The following MICAL2 variants were observed in gnomAD, a reference collection of about 807,000 sequenced individuals.
The protein encoded by MICAL2 is microtubule associated monooxygenase, calponin and LIM domain containing 2.
A neutral mutation model predicts 127.3 loss-of-function variants in MICAL2; 77 were observed. The observed-to-expected ratio is 0.60, with a 90% CI of 0.50 to 0.73. The LOEUF is 0.73. MICAL2 is among the 30% of genes least tolerant of loss of function. The probability of loss-of-function intolerance (pLI) is 0.00; values close to 1 mark genes in which losing one functional copy is unlikely to be tolerated. For missense variants in MICAL2, 1,351 were observed against 1,434.4 expected (o/e 0.94, Z 0.94); for synonymous variants, 570 against 551.1 (o/e 1.03, Z -0.48).
chr11:12,118,561 C>G (rs1450028539), intron 1 of MICAL2, among the ~76,000 whole-genome samples: 1 of 152,192 alleles, frequency 6.6e-6, no homozygotes. Context: ...TCTACTTTGC[C>G]AGCTCTCTCC....
chr11:12,306,062 TCTTG>T (rs1253818354), intron 29 of MICAL2, among the ~76,000 whole-genome samples: 2 of 152,198 alleles, frequency 1.3e-5, no homozygotes, highest in African/African-American at 4.8e-5. Flanking sequence ...TAGTCATTTT[TCTTG>T]CTTATAATAC....
Position 12,256,940 on chromosome 11 carries a change from C to T in MICAL2, c.3111C>T (p.Arg1037=), listed in dbSNP as rs1391644506. The change falls in exon 24 of 28, where the codon CGC becomes CGT. Residue 1037 remains arginine, a synonymous_variant. Coordinates refer to ENST00000683283, the MANE Select transcript of MICAL2 (RefSeq NM_001282663.2). ...FRCSICATTL[R]LAAYTFDCDE... The stretch of plus-strand genomic sequence containing the variant: ...GCAGCATCTGTGCCACCACCTTGCG[C>T]CTGGCCGCCTACACCTTTGACTGCG... The T allele has an allele frequency of 3.7e-6, 6 of 1,613,826 alleles. No homozygotes were observed. In the African/African-American group the frequency reaches 4.0e-5, roughly 11 times the overall value.
chr11:12,249,390 T>A, intron 22 of MICAL2, 144 bp downstream of exon 22: 1 of 610,340 alleles, frequency 1.6e-6, no homozygotes, highest in Non-Finnish European at 3.0e-6. Flanking sequence ...GGCAGACATG[T>A]GCTTGTACTG....
At chr11:12,242,964 A>G in intron 20 of MICAL2, 192 bp downstream of exon 20, 1 of 486,282 alleles carries the variant, frequency 2.1e-6, no homozygotes, top group Non-Finnish European at 3.6e-6. Flanking sequence ...TTCAAAATAA[A>G]TAAATACATC....
chr11:12,276,254 T>A, intron 1 of MICAL2: 1 of 398,322 alleles, frequency 2.5e-6, no homozygotes. Flanking sequence ...TCTACTTGCT[T>A]GCAGTGTGGC....
intron 1 of MICAL2, among the ~76,000 whole-genome samples, chr11:12,118,838 C>T (rs530278648): frequency 6.6e-6 from 1 of 152,206 alleles, no homozygotes; most frequent in Non-Finnish European, 1.5e-5. Context: ...CCTGGATATG[C>T]ACTCCAAAAT....
chr11:12,196,672 G>T (rs1433584227), intron 3 of MICAL2, among the ~76,000 whole-genome samples: 1 of 152,074 alleles, frequency 6.6e-6, no homozygotes, highest in Non-Finnish European at 1.5e-5. Context: ...CTTTGTTATT[G>T]CTCTGGAACC....
chr11:12,291,546 G>A (rs1863901336), downstream of MICAL2, among the ~76,000 whole-genome samples: 1 of 152,234 alleles, frequency 6.6e-6, no homozygotes, highest in African/African-American at 2.4e-5. Context: ...CTGACCAACA[G>A]GAGCTTGGCA....
chr11:12,257,755 C>T (rs556234407), intron 24 of MICAL2, among the ~76,000 whole-genome samples: 20 of 152,248 alleles, frequency 1.3e-4, no homozygotes, highest in African/African-American at 4.8e-4. Context: ...GCCTGGCATA[C>T]AGTCATTCCT....
chr11:12,177,711 A>G (rs1856988024), intron 3 of MICAL2, among the ~76,000 whole-genome samples: 1 of 152,180 alleles, frequency 6.6e-6, no homozygotes, highest in Non-Finnish European at 1.5e-5. Flanking sequence ...TTTTCTGATT[A>G]ATTTTTAAGA....
intron 13 of MICAL2, 139 bp downstream of exon 13, chr11:12,224,959 C>T: frequency 1.8e-6 from 2 of 1,094,064 alleles, no homozygotes; most frequent in Admixed American, 2.7e-5. Flanking sequence ...TTGTTCTTTT[C>T]CCTTTGCACT....
chr11:12,213,140 G>T (rs1191619650), intron 6 of MICAL2, 115 bp from the exon 7 acceptor site: 7 of 1,249,496 alleles, frequency 5.6e-6, no homozygotes, highest in Non-Finnish European at 7.7e-6. Context: ...TAGAGATCCA[G>T]AATCCTGGTT....
At chr11:12,258,698 G>T in intron 25 of MICAL2, 142 bp downstream of exon 25, 1 of 716,424 alleles carries the variant, frequency 1.4e-6, no homozygotes. Context: ...TCTGCTTCCT[G>T]GTGTGGAGGG....
chr11:12,262,393 G>A (rs759416833), intron 26 of MICAL2, 87 bp from the exon 27 acceptor site: 276 of 1,596,178 alleles, frequency 1.7e-4, no homozygotes, highest in Non-Finnish European at 2.2e-4. Context: ...GTGCCTTCTC[G>A]TGATGTTAAT....
intron 21 of MICAL2, among the ~76,000 whole-genome samples, chr11:12,248,556 G>T (rs989608873): frequency 1.3e-5 from 2 of 152,236 alleles, no homozygotes; most frequent in African/African-American, 2.4e-5. Context: ...AGGGGTGGGG[G>T]CCTTCACTGG....
intron 3 of MICAL2, among the ~76,000 whole-genome samples, chr11:12,173,727 C>A (rs1212081440): frequency 6.6e-6 from 1 of 152,118 alleles, no homozygotes; most frequent in African/African-American, 2.4e-5. Context: ...CCCCTGCTAC[C>A]CTCTCATCTT....
rs71478990 is a variant in MICAL2, at chr11:12,160,509, A to G, written c.-77-1570A>G. On this transcript the variant is annotated intron_variant, in intron 2 of 27. Coordinates refer to ENST00000683283, the MANE Select transcript of MICAL2 (RefSeq NM_001282663.2). Reference sequence around the variant, plus strand: ...ACATCCCCACCGCACCTCCTCACGAATCCTGAACCTTGAACTTGCTGTCAT... The same window carrying G: ...ACATCCCCACCGCACCTCCTCACGAGTCCTGAACCTTGAACTTGCTGTCAT... Among the ~76,000 whole-genome samples the G allele has an allele frequency of 3.6e-3, 540 of 152,068 alleles. 1 individual carries two copies. The highest frequency in any genetic ancestry group is 5.9e-3 in the Non-Finnish European group (404 of 67,964).
chr11:12,204,415 A>G lies in MICAL2; in HGVS notation c.430A>G (p.Lys144Glu). The G allele has an allele frequency of 6.2e-7, 1 of 1,614,142 alleles. No individual in the cohort carries two copies. Among genetic ancestry groups the G allele is most frequent in the Non-Finnish European group, 8.5e-7 (1 of 1,180,020 alleles). The change falls in exon 4 of 28, where the codon AAG becomes GAG. Residue 144 changes from lysine to glutamate, a missense_variant. Physicochemically the swap from Lys to Glu is moderately conservative, Grantham distance 56. Around this residue, in one of 2 missense-constraint regions of MICAL2, gnomAD observed 599 missense variants for 714.9 expected, o/e 0.84. Transcript: ENST00000683283. Reference protein sequence around the residue: ...IHDLRGLGAKKFYGKFCAGSI... With the variant: ...IHDLRGLGAKEFYGKFCAGSI... The stretch of plus-strand genomic sequence containing the variant: ...TGACCTTCGTGGCCTGGGAGCCAAG[A>G]AGTTCTATGGGAAGTTCTGTGCTGG...
chr11:12,229,570 C>G (rs1857933679), intron 15 of MICAL2, among the ~76,000 whole-genome samples: 1 of 152,232 alleles, frequency 6.6e-6, no homozygotes, highest in Non-Finnish European at 1.5e-5. Flanking sequence ...GTTTCTGCCA[C>G]TTGGCCCTCA....
Sources: allele counts gnomAD v4.1 joint callset (sites outside exome capture counted in the v4.1 genomes callset), GRCh38; gene constraint gnomAD v4.1.1; regional missense constraint gnomAD v4.1.1; transcripts MANE v1.5; gene names NCBI Gene and HGNC (gene_info 2026-07-23, HGNC 2026-07-21).